Variants in FAM171B observed in about 807,000 individuals in gnomAD.
FAM171B encodes family with sequence similarity 171 member B.
Under a neutral mutation model 75.6 loss-of-function variants are expected in FAM171B, and 19 were observed. The observed-to-expected ratio is 0.25, with a 90% CI of 0.18 to 0.37. The LOEUF (loss-of-function observed/expected upper bound fraction) is 0.37, where lower values mean the gene tolerates loss of function less well. Among genes scored for constraint, FAM171B ranks in the 10% least tolerant of loss-of-function variants. FAM171B has a pLI of 1.00. For missense variants in FAM171B, 848 were observed against 982.4 expected (o/e 0.86, Z 1.83); for synonymous variants, 367 against 361.7 (o/e 1.01, Z -0.17).
At chr2:186,724,394 G>A (rs1477042960) in intron 1 of FAM171B, among the ~76,000 whole-genome samples, 1 of 152,148 alleles carries the variant, frequency 6.6e-6, no homozygotes, top group Non-Finnish European at 1.5e-5. Context: ...CATGACCAAT[G>A]CCTTGACAGC....
intron 1 of FAM171B, among the ~76,000 whole-genome samples, chr2:186,704,765 T>C (rs55666589): frequency 0.071 from 10,735 of 152,266 alleles, 485 homozygotes; most frequent in South Asian, 0.12. Flanking sequence ...AGTATAATAT[T>C]TCAAATAGGA....
chr2:186,704,308 C>T (rs1689704739), intron 1 of FAM171B, among the ~76,000 whole-genome samples: 1 of 151,910 alleles, frequency 6.6e-6, no homozygotes, highest in Admixed American at 6.6e-5. Flanking sequence ...AAAGCAATGC[C>T]TAATGTTGAT....
chr2:186,749,425 G>C (rs1690418420), intron 4 of FAM171B, among the ~76,000 whole-genome samples: 1 of 152,170 alleles, frequency 6.6e-6, no homozygotes, highest in South Asian at 2.1e-4. Context: ...TGAGTAGTTT[G>C]ATGTAGTTAC....
chr2:186,718,829 C>G (rs1032636303), intron 1 of FAM171B, among the ~76,000 whole-genome samples: 26 of 152,240 alleles, frequency 1.7e-4, no homozygotes, highest in African/African-American at 5.8e-4. Flanking sequence ...TTCTTTTGTA[C>G]GAAATGTGTA....
intron 1 of FAM171B, among the ~76,000 whole-genome samples, chr2:186,713,306 T>C (rs180859770): frequency 6.6e-6 from 1 of 152,334 alleles, no homozygotes; most frequent in Admixed American, 6.5e-5. Context: ...TGGACTTTAG[T>C]GTGATGGCAA....
intron 1 of FAM171B, among the ~76,000 whole-genome samples, chr2:186,731,343 T>TAGGGAAGCAC (rs1209051071): frequency 6.6e-6 from 1 of 152,158 alleles, no homozygotes; most frequent in Non-Finnish European, 1.5e-5. Context: ...GGAGAGGGAC[T>TAGGGAAGCAC]AGGGAAGCAC....
At chr2:186,720,712 A>AAAAG (rs1689940818) in intron 1 of FAM171B, among the ~76,000 whole-genome samples, 1 of 144,744 alleles carries the variant, frequency 6.9e-6, no homozygotes, top group African/African-American at 2.5e-5. Flanking sequence ...AAAAAAAAAA[A>AAAAG]AAAAGAAAAG....
intron 1 of FAM171B, among the ~76,000 whole-genome samples, chr2:186,706,661 C>A (rs1322989101): frequency 6.6e-6 from 1 of 152,122 alleles, no homozygotes; most frequent in East Asian, 1.9e-4. Flanking sequence ...TATAGACACC[C>A]CTGACAAATC....
At chr2:186,761,340 A>C in intron 7 of FAM171B, 104 bp downstream of exon 7, 2 of 1,447,482 alleles carry the variant, frequency 1.4e-6, no homozygotes, top group Non-Finnish European at 9.2e-7. Context: ...TTAATCTTAT[A>C]ATATATCCTT....
At chr2:186,748,528 A>C (rs1468283054) in intron 4 of FAM171B, among the ~76,000 whole-genome samples, 1 of 152,174 alleles carries the variant, frequency 6.6e-6, no homozygotes, top group African/African-American at 2.4e-5. Flanking sequence ...CTTGGTTCCA[A>C]GAAGCAGACT....
Position 186,694,173 on chromosome 2 carries a change from C to T in FAM171B, c.-1C>T. The stretch of plus-strand genomic sequence containing the variant: ...CCGCCGCGGCCCTCTGGCTCTAGGC[C>T]ATGGCGAGGCTCTGCCGGCGTGTCC... On this transcript the variant is annotated 5_prime_UTR_variant, in exon 1 of 8. Coordinates refer to ENST00000304698, the MANE Select transcript of FAM171B (RefSeq NM_177454.4). 6.3e-7 allele frequency: 1 copy of T among 1,594,482 alleles called. No individual in the cohort carries two copies. Among genetic ancestry groups the T allele is most frequent in the Non-Finnish European group, 8.5e-7 (1 of 1,176,006 alleles).
chr2:186,726,813 A>C (rs1690040249), intron 1 of FAM171B, among the ~76,000 whole-genome samples: 1 of 152,186 alleles, frequency 6.6e-6, no homozygotes, highest in South Asian at 2.1e-4. Flanking sequence ...AGGAAGAGGA[A>C]TCTTATTATT....
intron 1 of FAM171B, among the ~76,000 whole-genome samples, chr2:186,707,313 T>C (rs1389561647): frequency 1.3e-5 from 2 of 152,186 alleles, no homozygotes; most frequent in Admixed American, 6.5e-5. Flanking sequence ...TCTTCATCTA[T>C]CAGCAAACTC....
At position 186,756,783 on chromosome 2, in the gene FAM171B, T is replaced by C. The variant is rs527435680; in HGVS notation, c.1012+2734T>C. 2.0e-5 allele frequency among the ~76,000 whole-genome samples: 3 copies of C among 152,302 alleles called. No individual in the cohort carries two copies. The South Asian group carries it at 6.2e-4, about 32-fold the overall frequency. On this transcript the variant is annotated intron_variant, in intron 6 of 7. Coordinates refer to ENST00000304698, the MANE Select transcript of FAM171B (RefSeq NM_177454.4). ...CATTGCAAGCAGCAGGTTCTCAGTT[T>C]ACCCATACCATCTGATTTGGCTTCA... is the stretch of plus-strand genomic sequence containing the variant.
intron 1 of FAM171B, among the ~76,000 whole-genome samples, chr2:186,718,414 T>G (rs541127035): frequency 9.2e-5 from 14 of 152,330 alleles, no homozygotes; most frequent in African/African-American, 3.1e-4. Flanking sequence ...CTATTCCTTC[T>G]TTCTGATGTA....
intron 1 of FAM171B, among the ~76,000 whole-genome samples, chr2:186,696,929 A>C (rs1689590591): frequency 6.6e-6 from 1 of 152,066 alleles, no homozygotes; most frequent in African/African-American, 2.4e-5. Context: ...TGTTTTGTTC[A>C]CTGCTATATT....
In FAM171B at chr2:186,762,503, G is replaced by A. The variant is rs144563922; in HGVS notation, c.2161G>A (p.Glu721Lys). The A allele has an allele frequency of 5.2e-5, 84 of 1,613,374 alleles. No individual in the cohort carries two copies. Among genetic ancestry groups the A allele is most frequent in the Non-Finnish European group, 6.6e-5 (78 of 1,179,734 alleles). The change falls in exon 8 of 8, where the codon GAG becomes AAG. Residue 721 changes from glutamate to lysine, a missense_variant. By Grantham distance (56) the Glu-to-Lys change is moderately conservative. This residue lies in a region of FAM171B where 136 missense variants were observed against 159.3 expected (regional missense o/e 0.85). Transcript: ENST00000304698. This position sits in a 1 kb window ranked among gnomAD's most constrained non-coding sequence, Gnocchi z 4.0. Reference sequence around the variant, plus strand: ...TGAGCTTCACTCAAGTAGAAAGCTCGAGAGGGAGAAAACATTCATCAAAAG... The same window carrying A: ...TGAGCTTCACTCAAGTAGAAAGCTCAAGAGGGAGAAAACATTCATCAAAAG... ...MNELHSSRKL[E>K]REKTFIKSMH...
At chr2:186,753,402 T>C (rs144693216) in intron 5 of FAM171B, among the ~76,000 whole-genome samples, 2,106 of 152,334 alleles carry the variant, frequency 0.014, 18 homozygotes, top group Non-Finnish European at 0.021. Flanking sequence ...GCCAAAAACA[T>C]GTATTAATAT....
intron 4 of FAM171B, 134 bp from the exon 5 acceptor site, chr2:186,751,000 T>A (rs1055342312): frequency 3.4e-6 from 2 of 583,160 alleles, no homozygotes; most frequent in African/African-American, 3.7e-5. Context: ...CCTTAATGTG[T>A]ATTCAGTATC....
Sources: allele counts gnomAD v4.1 joint callset (sites outside exome capture counted in the v4.1 genomes callset), GRCh38; gene constraint gnomAD v4.1.1; regional missense constraint gnomAD v4.1.1; non-coding constraint Gnocchi (gnomAD v3.1); transcripts MANE v1.5; gene names NCBI Gene and HGNC (gene_info 2026-07-23, HGNC 2026-07-21).